Variants in SHOC2 observed in about 807,000 individuals in gnomAD.
The protein encoded by SHOC2 is leucine-rich repeat protein SHOC-2.
Under a neutral mutation model 50.2 loss-of-function variants are expected in SHOC2, and 4 were observed. The observed-to-expected ratio is 0.08, with a 90% CI of 0.04 to 0.18. The LOEUF (loss-of-function observed/expected upper bound fraction) is 0.18. SHOC2 is among the 10% of genes least tolerant of loss of function. The pLI is 1.00. For synonymous variants in SHOC2, 218 were observed against 244.5 expected, an observed-to-expected ratio of 0.89 and a Z score of 1.01; for missense variants, 388 against 669.6, an observed-to-expected ratio of 0.58 and a Z score of 4.64.
intron 2 of SHOC2, among the ~76,000 whole-genome samples, chr10:110,966,876 GT>G (rs1419908361): frequency 6.6e-6 from 1 of 152,092 alleles, no homozygotes. Context: ...TATCATAAAT[GT>G]TGCTTATTTC....
At chr10:111,006,105 G>A (rs940330074) in intron 5 of SHOC2, among the ~76,000 whole-genome samples, 1 of 152,100 alleles carries the variant, frequency 6.6e-6, no homozygotes, top group Admixed American at 6.6e-5. Flanking sequence ...AAAACACAAT[G>A]GTTCAGGTGT....
At chr10:110,984,483 T>C (rs1435985304) in intron 2 of SHOC2, among the ~76,000 whole-genome samples, 1 of 152,182 alleles carries the variant, frequency 6.6e-6, no homozygotes, top group Non-Finnish European at 1.5e-5. Flanking sequence ...TATCCTCTGA[T>C]GCACTAAAGT....
At chr10:110,984,100 C>T (rs1848033901) in intron 2 of SHOC2, among the ~76,000 whole-genome samples, 1 of 152,112 alleles carries the variant, frequency 6.6e-6, no homozygotes, top group African/African-American at 2.4e-5. Flanking sequence ...TTTTTCACAG[C>T]AACTGTACCA....
intron 1 of SHOC2, among the ~76,000 whole-genome samples, chr10:110,963,406 C>T (rs1847608719): frequency 6.6e-6 from 1 of 152,172 alleles, no homozygotes; most frequent in African/African-American, 2.4e-5. Context: ...TCAGGTCTAC[C>T]TCCATCAGAA....
chr10:110,990,401 C>T (rs549030350), intron 3 of SHOC2, among the ~76,000 whole-genome samples: 1 of 152,102 alleles, frequency 6.6e-6, no homozygotes, highest in South Asian at 2.1e-4. Flanking sequence ...TGTAAATACA[C>T]CAATCAGCAC....
At chr10:110,963,858 G>A (rs373905631) in intron 1 of SHOC2, among the ~76,000 whole-genome samples, 1 of 151,998 alleles carries the variant, frequency 6.6e-6, no homozygotes, top group Non-Finnish European at 1.5e-5. Context: ...TATTGTTGTG[G>A]TTTCTTCCAC....
At chr10:110,925,107 A>G (rs971269351) in intron 1 of SHOC2, among the ~76,000 whole-genome samples, 2 of 150,990 alleles carry the variant, frequency 1.3e-5, no homozygotes, top group African/African-American at 4.8e-5. Context: ...AATAAAAAGC[A>G]ATACTTAAAT....
chr10:110,941,405 C>T (rs1370839676), intron 1 of SHOC2, among the ~76,000 whole-genome samples: 1 of 152,044 alleles, frequency 6.6e-6, no homozygotes, highest in Non-Finnish European at 1.5e-5. Flanking sequence ...GATCTTGGCT[C>T]ACTGCAACCT....
In SHOC2 at chr10:110,921,498, T is replaced by C. The variant is rs1426526301; in HGVS notation, c.-235+1841T>C. ...CAGTTTCAAATTATGGACATGTCTT[T>C]AAGGGTACTGCATTTTCCCAAGGTG... is the stretch of plus-strand genomic sequence containing the variant. On this transcript the variant is annotated intron_variant, in intron 1 of 8. Transcript: ENST00000369452. Among the ~76,000 whole-genome samples the C allele has an allele frequency of 3.3e-5, 5 of 152,268 alleles. No individual in the cohort carries two copies. The South Asian group carries it at 8.3e-4, about 25-fold the overall frequency.
At chr10:110,970,631 A>T (rs893960301) in intron 2 of SHOC2, among the ~76,000 whole-genome samples, 1 of 151,758 alleles carries the variant, frequency 6.6e-6, no homozygotes, top group Non-Finnish European at 1.5e-5. Context: ...TAGTGGCTGT[A>T]CCAATTTATG....
At chr10:110,963,832 TAATA>T (rs1334878538) in intron 1 of SHOC2, among the ~76,000 whole-genome samples, 1 of 152,206 alleles carries the variant, frequency 6.6e-6, no homozygotes, top group Non-Finnish European at 1.5e-5. Flanking sequence ...AGAAAGCACT[TAATA>T]AATATTAAGC....
chr10:111,002,826 G>C (rs1848403617), intron 4 of SHOC2, among the ~76,000 whole-genome samples: 1 of 151,510 alleles, frequency 6.6e-6, no homozygotes, highest in African/African-American at 2.4e-5. Context: ...ATGTGACTAA[G>C]AAATGAGAGC....
intron 1 of SHOC2, among the ~76,000 whole-genome samples, chr10:110,956,574 C>T (rs965079839): frequency 5.3e-5 from 8 of 152,148 alleles, no homozygotes; most frequent in Admixed American, 2.0e-4. Context: ...AGCAGTGCTC[C>T]TTGTCCTAAA....
At chr10:110,990,285 AT>A (rs1327883210) in intron 3 of SHOC2, among the ~76,000 whole-genome samples, 2 of 152,066 alleles carry the variant, frequency 1.3e-5, no homozygotes, top group African/African-American at 4.8e-5. Context: ...AAATACACCA[AT>A]CAGCACCCTG....
At chr10:110,973,731 C>T (rs1281416120) in intron 2 of SHOC2, among the ~76,000 whole-genome samples, 1 of 151,924 alleles carries the variant, frequency 6.6e-6, no homozygotes, top group African/African-American at 2.4e-5. Context: ...TTAATAGACA[C>T]ATAGTTATTC....
intron 3 of SHOC2, among the ~76,000 whole-genome samples, chr10:110,988,653 A>G (rs747354718): frequency 2.0e-5 from 3 of 151,800 alleles, no homozygotes; most frequent in African/African-American, 4.8e-5. Context: ...GATTTTCCCT[A>G]TTGTTTCTCT....
Position 111,012,509 on chromosome 10 carries a change from G to A in SHOC2, c.*691G>A, listed in dbSNP as rs1332486270. The stretch of plus-strand genomic sequence containing the variant: ...TTTAATTTTGCTTCTCTGACGAGTT[G>A]TGAAGCAAAATACCTGAAGTGAGTC... On this transcript the variant is annotated 3_prime_UTR_variant, in exon 9 of 9. Transcript: ENST00000369452. The A allele has an allele frequency of 6.6e-6, 1 of 152,100 alleles. No individual in the cohort carries two copies. The highest frequency in any genetic ancestry group is 6.6e-5 in the Admixed American group (1 of 15,256). The allele number at this position is 152,100 out of a possible 1,614,324, so 9.4% of individuals were successfully genotyped here. A position where few individuals can be genotyped will look rare whatever the true frequency, so the allele number is the denominator to read the frequency against.
intron 3 of SHOC2, chr10:110,988,970 T>G (rs888425390): frequency 1.9e-6 from 1 of 520,434 alleles, no homozygotes; most frequent in Admixed American, 2.0e-5. Context: ...GCTATTACTT[T>G]TAAAGGCAAA....
At chr10:110,945,342 A>G (rs1847226656) in intron 1 of SHOC2, among the ~76,000 whole-genome samples, 1 of 152,150 alleles carries the variant, frequency 6.6e-6, no homozygotes, top group Admixed American at 6.5e-5. Context: ...CTGCTTTTTA[A>G]CGTAGCTTCT....
Sources: gnomAD v4.1 joint callset for allele counts (sites outside exome capture counted in the v4.1 genomes callset) on GRCh38, gnomAD v4.1.1 for gene constraint, MANE v1.5 for transcripts, NCBI Gene and HGNC (gene_info 2026-07-23, HGNC 2026-07-21) for gene names.